Variants in KIFBP observed in about 807,000 individuals in gnomAD.
KIFBP encodes the protein kinesin family binding protein.
KIFBP carries 46 observed loss-of-function variants against 58.9 expected under a neutral mutation model. The observed-to-expected ratio is 0.78, with a 90% CI of 0.62 to 1.00. The LOEUF (loss-of-function observed/expected upper bound fraction) is 1.00, where lower values mean the gene tolerates loss of function less well. Ranked by LOEUF, KIFBP falls within the 50% of genes least tolerant of loss-of-function variation. KIFBP has a pLI of 0.00. For synonymous variants in KIFBP, 241 were observed against 283.4 expected, an observed-to-expected ratio of 0.85 and a Z score of 1.50; for missense variants, 651 against 752.9, an observed-to-expected ratio of 0.86 and a Z score of 1.58.
chr10:69,005,653 A>G, intron 3 of KIFBP, 79 bp from the exon 4 acceptor site: 1 of 1,131,004 alleles, frequency 8.8e-7, no homozygotes, highest in Non-Finnish European at 1.3e-6. Context: ...AGCCTGGGCA[A>G]CAGAGCGAGA....
intron 2 of KIFBP, among the ~76,000 whole-genome samples, chr10:69,001,413 C>T (rs749343381): frequency 6.6e-6 from 1 of 152,104 alleles, no homozygotes; most frequent in Non-Finnish European, 1.5e-5. Context: ...TAATCAGGCA[C>T]AATATTTTCT....
chr10:69,002,155 G>A (rs1843473639), intron 2 of KIFBP, among the ~76,000 whole-genome samples: 2 of 151,558 alleles, frequency 1.3e-5, no homozygotes, highest in African/African-American at 4.8e-5. Context: ...GACAGAGCAA[G>A]ATTCTGTCTT....
Position 69,005,713 on chromosome 10 carries a change from G to T in KIFBP, c.606-19G>T, listed in dbSNP as rs2132113644. On this transcript the variant is annotated intron_variant, in intron 3 of 6. Transcript: ENST00000361983. Reference sequence around the variant, plus strand: ...CAAGTAAACCATTACACAAATATTGGTTTATTTTTTCTTTACAGATTTGAA... The same window carrying T: ...CAAGTAAACCATTACACAAATATTGTTTTATTTTTTCTTTACAGATTTGAA... 1.3e-6 allele frequency: 2 copies of T among 1,560,348 alleles called. No homozygotes were observed. The highest frequency in any genetic ancestry group is 8.8e-7 in the Non-Finnish European group (1 of 1,132,662).
intron 1 of KIFBP, among the ~76,000 whole-genome samples, chr10:68,996,112 C>A (rs1463707536): frequency 6.6e-6 from 1 of 150,692 alleles, no homozygotes; most frequent in Admixed American, 6.6e-5. Flanking sequence ...GAGCCAAGAT[C>A]ATGTCACAGC....
intron 4 of KIFBP, 80 bp downstream of exon 4, chr10:69,005,995 A>G (rs1194134465): frequency 6.2e-6 from 8 of 1,299,764 alleles, no homozygotes; most frequent in Middle Eastern, 2.2e-4. Flanking sequence ...TGAAAATACT[A>G]TCTTTTAAAA....
At chr10:69,008,775 T>C in intron 4 of KIFBP, 66 bp from the exon 5 acceptor site, 3 of 1,205,106 alleles carry the variant, frequency 2.5e-6, no homozygotes, top group Non-Finnish European at 2.5e-6. Flanking sequence ...AAAGAAATTA[T>C]GCAAGTATCA....
At chr10:69,003,056 A>AG (rs1485001318) in intron 2 of KIFBP, among the ~76,000 whole-genome samples, 1 of 151,972 alleles carries the variant, frequency 6.6e-6, no homozygotes, top group East Asian at 1.9e-4. Flanking sequence ...AAAAAAAAAA[A>AG]AAAAAAAGTT....
At chr10:69,014,349 A>G (rs1161406656) in intron 6 of KIFBP, among the ~76,000 whole-genome samples, 1 of 152,208 alleles carries the variant, frequency 6.6e-6, no homozygotes, top group African/African-American at 2.4e-5. Flanking sequence ...GGAGTTACCT[A>G]GACTGAAGAA....
At chr10:69,002,072 A>G (rs1843472392) in intron 2 of KIFBP, among the ~76,000 whole-genome samples, 1 of 151,912 alleles carries the variant, frequency 6.6e-6, no homozygotes, top group Admixed American at 6.6e-5. Flanking sequence ...AGATTGAGGC[A>G]GGAGGGTCGC....
At chr10:69,010,242 TG>T (rs1843577049) in intron 5 of KIFBP, among the ~76,000 whole-genome samples, 1 of 152,238 alleles carries the variant, frequency 6.6e-6, no homozygotes, top group African/African-American at 2.4e-5. Context: ...TTTGGCTGTA[TG>T]TTGTGAATTA....
chr10:69,011,545 G>A (rs566636064), intron 6 of KIFBP, among the ~76,000 whole-genome samples: 172 of 151,752 alleles, frequency 1.1e-3, no homozygotes, highest in African/African-American at 4.0e-3. Flanking sequence ...ACCATATCCA[G>A]TTAATTTTTA....
Position 69,015,557 on chromosome 10 carries a change from T to G in KIFBP, c.1007T>G (p.Leu336Arg), listed in dbSNP as rs775363378. Residue 336 changes from leucine (L) to arginine (R), a missense_variant, in exon 7 of 7, where the codon CTT becomes CGT. By Grantham distance (102) the Leu-to-Arg change is moderately radical. Coordinates refer to ENST00000361983, the MANE Select transcript of KIFBP (RefSeq NM_015634.4). ...QLSMQDNIGE[L>R]DLDKQSELRA... ...TTCCTTCAGGACAACATAGGAGAGCTTGATCTTGATAAACAGTCTGAACTT... is the reference window on the plus strand; with the variant it reads ...TTCCTTCAGGACAACATAGGAGAGCGTGATCTTGATAAACAGTCTGAACTT... The G allele has an allele frequency of 6.2e-7, 1 of 1,613,652 alleles. No individual in the cohort carries two copies. Among genetic ancestry groups the G allele is most frequent in the Non-Finnish European group, 8.5e-7 (1 of 1,179,924 alleles).
chr10:68,998,054 A>T (rs1564634879), intron 1 of KIFBP, among the ~76,000 whole-genome samples: 1 of 152,100 alleles, frequency 6.6e-6, no homozygotes, highest in Non-Finnish European at 1.5e-5. Context: ...TCTTTTCTTT[A>T]TAAAGTATCT....
chr10:69,008,529 A>C (rs1843560781), intron 4 of KIFBP, among the ~76,000 whole-genome samples: 1 of 150,946 alleles, frequency 6.6e-6, no homozygotes, highest in Non-Finnish European at 1.5e-5. Flanking sequence ...CTAGGATGAC[A>C]GCCATTCCTG....
chr10:69,007,626 G>A (rs1183028397), intron 4 of KIFBP: 2 of 152,196 alleles, frequency 1.3e-5, no homozygotes, highest in African/African-American at 2.4e-5. Context: ...TTTATCTATA[G>A]ATGTTGCTGG....
chr10:69,002,163 C>CT lies in KIFBP; in HGVS notation c.525+1655dup, dbSNP rs912429874. ...CCTGGGTGACAGAGCAAGATTCTGTCTTTTTTTTTTTTTTGAGATGGAGTC... is the reference window on the plus strand; with the variant it reads ...CCTGGGTGACAGAGCAAGATTCTGTCTTTTTTTTTTTTTTTGAGATGGAGTC... On this transcript the variant is annotated intron_variant, in intron 2 of 6. Transcript: ENST00000361983. Among the ~76,000 whole-genome samples, 580 of 142,344 alleles carry CT rather than the reference C, an allele frequency of 4.1e-3. 4 individuals carry two copies. Among genetic ancestry groups the CT allele is most frequent in the African/African-American group, 7.9e-3 (311 of 39,148 alleles). 93.4% of individuals were successfully genotyped at this position (142,344 alleles called of 152,430 possible). A position where few individuals can be genotyped will look rare whatever the true frequency, so the allele number is the denominator to read the frequency against.
chr10:68,989,533 A>G (rs1843317827), intron 1 of KIFBP: 1 of 558,124 alleles, frequency 1.8e-6, no homozygotes, highest in South Asian at 2.1e-5. Flanking sequence ...CTTCACTTAG[A>G]CGTGGCGATG....
At chr10:68,992,430 C>T (rs1294754443) in intron 1 of KIFBP, among the ~76,000 whole-genome samples, 1 of 152,132 alleles carries the variant, frequency 6.6e-6, no homozygotes, top group Non-Finnish European at 1.5e-5. Flanking sequence ...TAATTAACCC[C>T]TTAGCAGTGG....
chr10:69,011,685 T>A, intron 6 of KIFBP, among the ~76,000 whole-genome samples: 1 of 46,080 alleles, frequency 2.2e-5, no homozygotes, highest in African/African-American at 1.1e-4. Context: ...TGCCTAATCT[T>A]TTTTTTTTTT....
Sources: allele counts gnomAD v4.1 joint callset (sites outside exome capture counted in the v4.1 genomes callset), GRCh38; gene constraint gnomAD v4.1.1; transcripts MANE v1.5; gene names NCBI Gene and HGNC (gene_info 2026-07-23, HGNC 2026-07-21).